NCAN: variants seen among roughly 807,000 people sequenced by gnomAD.
NCAN encodes neurocan core protein.
NCAN carries 47 observed loss-of-function variants against 121.8 expected under a neutral mutation model. The ratio of observed to expected loss-of-function variants is 0.39; its 90% CI spans 0.31 to 0.49. The LOEUF is 0.49. Among genes scored for constraint, NCAN ranks in the 20% least tolerant of loss-of-function variants. NCAN has a pLI of 0.92. For synonymous variants in NCAN, 633 were observed against 702.0 expected, an observed-to-expected ratio of 0.90 and a Z score of 1.55; for missense variants, 1,517 against 1,773.4, an observed-to-expected ratio of 0.86 and a Z score of 2.60.
intron 8 of NCAN, among the ~76,000 whole-genome samples, chr19:19,230,860 A>G (rs2060856337): frequency 6.7e-6 from 1 of 148,852 alleles, no homozygotes; most frequent in Non-Finnish European, 1.5e-5. Context: ...CTTGGACTAC[A>G]GGCATGCAAC....
chr19:19,248,948 C>A (rs1318693774), intron 14 of NCAN, 66 bp downstream of exon 14: 11 of 1,534,462 alleles, frequency 7.2e-6, no homozygotes, highest in Non-Finnish European at 9.8e-6. Context: ...AGTAAGACAT[C>A]CTATTTCTCC....
chr19:19,245,261 C>G (rs567530876), intron 12 of NCAN, 52 bp from the exon 13 acceptor site: 1 of 1,599,620 alleles, frequency 6.3e-7, no homozygotes, highest in African/African-American at 1.3e-5. Context: ...TTGCCAGAAC[C>G]TGGGCTGGAA....
chr19:19,241,883 G>T (rs2060904476), intron 12 of NCAN, among the ~76,000 whole-genome samples: 1 of 151,772 alleles, frequency 6.6e-6, no homozygotes, highest in South Asian at 2.1e-4. Context: ...TAATAAAATT[G>T]CACTTGTACC....
At chr19:19,238,593 A>G (rs781170436) in intron 11 of NCAN, 182 bp downstream of exon 11, 9 of 663,946 alleles carry the variant, frequency 1.4e-5, no homozygotes, top group Non-Finnish European at 2.4e-5. Flanking sequence ...TCACTTGTTA[A>G]TTCATACATT....
rs890542631 is a variant in NCAN at position 19,212,221 on chromosome 19, G to T, written c.-8+157G>T. 1.1e-4 allele frequency among the ~76,000 whole-genome samples: 16 copies of T among 151,880 alleles called. 1 individual carries two copies. The South Asian group carries it at 2.5e-3, about 24-fold the overall frequency. On this transcript the variant is annotated intron_variant, in intron 1 of 14. Coordinates refer to ENST00000252575, the MANE Select transcript of NCAN (RefSeq NM_004386.3). This position sits in a 1 kb window ranked among gnomAD's most constrained non-coding sequence, Gnocchi z 4.5. ...GAGCCCTAGGTTGAGGAGGGAGCGC[G>T]AACTGGGAGGGGGCTTGGGAATGCT...
At chr19:19,230,163 A>G (rs1276040009) in intron 8 of NCAN, among the ~76,000 whole-genome samples, 5 of 151,564 alleles carry the variant, frequency 3.3e-5, no homozygotes, top group Middle Eastern at 3.4e-3. Context: ...TCCTGCCTCA[A>G]CCTTCTGAGT....
At position 19,249,925 on chromosome 19, in the gene NCAN, A is replaced by G. The variant is rs535187776; in HGVS notation, c.*14A>G. On this transcript the variant is annotated 3_prime_UTR_variant, in exon 15 of 15. Coordinates refer to ENST00000252575, the MANE Select transcript of NCAN (RefSeq NM_004386.3). ...AATTTCTGCTGAAGAACCAGAAAAA[A>G]GAAAGCACAACACCTTTCCCATGCC... is the stretch of plus-strand genomic sequence containing the variant. 8 of 1,608,866 alleles carry G rather than the reference A, an allele frequency of 5.0e-6. No individual in the cohort carries two copies. In the South Asian group the frequency reaches 8.8e-5, roughly 18 times the overall value.
Position 19,228,293 on chromosome 19 carries a change from C to T in NCAN, c.2673C>T (p.Gly891=), listed in dbSNP as rs759116723. 6 of 1,613,990 alleles carry T rather than the reference C, an allele frequency of 3.7e-6. No individual in the cohort carries two copies. The highest frequency in any genetic ancestry group is 1.6e-4 in the Middle Eastern group (1 of 6,062). The change falls in exon 8 of 15, where the codon GGC becomes GGT. Residue 891 remains glycine (G), a synonymous_variant. Coordinates refer to ENST00000252575, the MANE Select transcript of NCAN (RefSeq NM_004386.3). ...KVGVPAMSTL[G]SSSSQPHPEP... The stretch of plus-strand genomic sequence containing the variant: ...GAGTTCCAGCCATGTCTACACTGGG[C>T]TCCTCAAGCTCCCAACCCCACCCAG...
In NCAN at chr19:19,234,729, A is replaced by G. The variant is rs574561682; in HGVS notation, c.3137-254A>G. Among the ~76,000 whole-genome samples the G allele has an allele frequency of 1.6e-4, 24 of 152,368 alleles. No individual in the cohort carries two copies. The South Asian group carries it at 4.8e-3, about 30-fold the overall frequency. On this transcript the variant is annotated intron_variant, in intron 9 of 14. Transcript: ENST00000252575. ...AACCTTCACTTCTCTAGAGTCAGGT[A>G]GAACAGTCTGCACATCCTGGCTCTC... is the stretch of plus-strand genomic sequence containing the variant.
intron 12 of NCAN, among the ~76,000 whole-genome samples, chr19:19,244,588 C>T (rs573121193): frequency 6.6e-6 from 1 of 152,156 alleles, no homozygotes; most frequent in South Asian, 2.1e-4. Flanking sequence ...GGATTACAGG[C>T]ATGAGCCACT....
At chr19:19,236,814 G>A (rs1277033636) in intron 10 of NCAN, among the ~76,000 whole-genome samples, 1 of 151,140 alleles carries the variant, frequency 6.6e-6, no homozygotes, top group African/African-American at 2.4e-5. Flanking sequence ...CTGTCACCTT[G>A]AACTCCCAGG....
intron 8 of NCAN, among the ~76,000 whole-genome samples, chr19:19,233,577 C>G (rs1319527233): frequency 6.6e-6 from 1 of 152,136 alleles, no homozygotes; most frequent in Non-Finnish European, 1.5e-5. Context: ...CAGGAAAGTC[C>G]CCAGATGCTT....
At chr19:19,235,192 T>C in intron 10 of NCAN, 96 bp downstream of exon 10, 1 of 669,932 alleles carries the variant, frequency 1.5e-6, no homozygotes. Context: ...TGCCTCCAGT[T>C]CCATGGCTGT....
rs2060833088 is a variant in NCAN, at chr19:19,225,495, A to G, written c.1072+225A>G. Among the ~76,000 whole-genome samples, 2 of 152,116 alleles carry G rather than the reference A, an allele frequency of 1.3e-5. No homozygotes were observed. The highest frequency in any genetic ancestry group is 6.5e-5 in the Admixed American group (1 of 15,278). On this transcript the variant is annotated intron_variant, in intron 6 of 14. Coordinates refer to ENST00000252575, the MANE Select transcript of NCAN (RefSeq NM_004386.3). The surrounding 1 kb of genome is among the most constrained non-coding windows in gnomAD (Gnocchi z 4.0). ...AAAGAACAGGGCTCCAGAGGAGGCC[A>G]CTCTGGTGGGGAGTCACCTTTGCTG...
intron 11 of NCAN, 141 bp from the exon 12 acceptor site, chr19:19,240,461 TC>T: frequency 1.4e-6 from 1 of 722,186 alleles, no homozygotes; most frequent in Non-Finnish European, 2.5e-6. Flanking sequence ...TCTAGATCTT[TC>T]CCCCCACCCA....
Position 19,216,965 on chromosome 19 carries a change from G to A in NCAN, c.12G>A (p.Pro4=), listed in dbSNP as rs758270000. 2.0e-5 allele frequency: 26 copies of A among 1,311,880 alleles called. No individual in the cohort carries two copies. The highest frequency in any genetic ancestry group is 2.0e-4 in the Middle Eastern group (1 of 4,930). The allele number at this position is 1,311,880 out of a possible 1,614,324, so 81.3% of individuals were successfully genotyped here. A position where few individuals can be genotyped will look rare whatever the true frequency, so the allele number is the denominator to read the frequency against. MGA[P]FVWALGLLML... ...GTTCCAGATCCAGGATGGGGGCCCC[G>A]TTTGTCTGGGCCTTGGGCCTTTTGA... Residue 4 remains proline (P), a synonymous_variant, in exon 2 of 15, where the codon CCG becomes CCA. Transcript: ENST00000252575.
chr19:19,238,169 C>T (rs1805856625), intron 10 of NCAN, 84 bp from the exon 11 acceptor site: 1 of 1,579,574 alleles, frequency 6.3e-7, no homozygotes, highest in African/African-American at 1.3e-5. Flanking sequence ...ATTGGGCCCT[C>T]TCTCTGGTGG....
At chr19:19,249,463 T>G (rs568771101) in intron 14 of NCAN, among the ~76,000 whole-genome samples, 7 of 152,020 alleles carry the variant, frequency 4.6e-5, no homozygotes, top group African/African-American at 1.2e-4. Context: ...ATCCTCCCAG[T>G]CTCAAGGGAT....
chr19:19,221,057 A>T (rs779890633), intron 3 of NCAN, among the ~76,000 whole-genome samples: 1 of 152,016 alleles, frequency 6.6e-6, no homozygotes, highest in Non-Finnish European at 1.5e-5. Flanking sequence ...ACATAGTGAG[A>T]CCTTGTCTAT....
Sources: gnomAD v4.1 joint callset for allele counts (sites outside exome capture counted in the v4.1 genomes callset) on GRCh38, gnomAD v4.1.1 for gene constraint, Gnocchi (gnomAD v3.1) non-coding constraint, MANE v1.5 for transcripts, NCBI Gene and HGNC (gene_info 2026-07-23, HGNC 2026-07-21) for gene names.